The following CACNB2 variants were observed in gnomAD, a reference collection of about 807,000 sequenced individuals.
CACNB2 encodes the protein voltage-dependent L-type calcium channel subunit beta-2.
In CACNB2, 42 loss-of-function variants were observed where a neutral mutation model predicts 73.3. That is an observed-to-expected ratio of 0.57 (90% CI 0.45 to 0.74). The LOEUF is 0.74. CACNB2 is among the 30% of genes least tolerant of loss of function. The probability of loss-of-function intolerance (pLI) is 0.00; values close to 1 mark genes in which losing one functional copy is unlikely to be tolerated. For missense variants in CACNB2, 940 were observed against 853.0 expected, an observed-to-expected ratio of 1.10 and a Z score of -1.27; for synonymous variants, 348 against 310.3, an observed-to-expected ratio of 1.12 and a Z score of -1.28.
intron 3 of CACNB2, among the ~76,000 whole-genome samples, chr10:18,467,512 C>T (rs987107903): frequency 3.0e-4 from 46 of 152,168 alleles, no homozygotes; most frequent in Admixed American, 8.5e-4. Flanking sequence ...ACTAGACCTA[C>T]GTAAAAGATA....
In CACNB2 at chr10:18,400,899, C is replaced by T. The variant is rs546924326; in HGVS notation, c.214-1025C>T. On this transcript the variant is annotated intron_variant, in intron 2 of 13. Coordinates refer to ENST00000324631, the MANE Select transcript of CACNB2 (RefSeq NM_201596.3). ...GGGCAGGGAGTGAAAGCCCCGGAGG[C>T]AGAAAGGGACGGAGAACAGGGGCTT... The T allele has an allele frequency of 1.0e-4, 160 of 1,545,036 alleles. No individual in the cohort carries two copies. The East Asian group carries it at 3.7e-3, about 36-fold the overall frequency.
At chr10:18,515,010 G>A (rs1397760018) in intron 7 of CACNB2, 2 of 1,613,742 alleles carry the variant, frequency 1.2e-6, no homozygotes, top group African/African-American at 2.7e-5. Context: ...CAAGACCAGT[G>A]GAAAACTGCA....
At chr10:18,338,816 G>T (rs2041117411) in intron 2 of CACNB2, among the ~76,000 whole-genome samples, 1 of 134,420 alleles carries the variant, frequency 7.4e-6, no homozygotes, top group African/African-American at 2.9e-5. Flanking sequence ...ATAGCTCATT[G>T]CAGCCTCTAC....
rs1356604464 is a variant in CACNB2 at position 18,307,983 on chromosome 10, C to CAT, written c.214-93941_214-93940insAT. ...TTAAGTCTAAAATAATATATGCCAA[C>CAT]TTTTTTTTTTTTTTTTTTTTTTTTT... On this transcript the variant is annotated intron_variant, in intron 2 of 13. Transcript: ENST00000324631. Among the ~76,000 whole-genome samples the CAT allele has an allele frequency of 2.1e-4, 15 of 70,268 alleles. 1 individual carries two copies. Among genetic ancestry groups the CAT allele is most frequent in the African/African-American group, 6.0e-4 (10 of 16,746 alleles). The allele number at this position is 70,268 out of a possible 152,430, so 46.1% of individuals were successfully genotyped here. A position where few individuals can be genotyped will look rare whatever the true frequency, so the allele number is the denominator to read the frequency against.
At chr10:18,538,405 C>T (rs778985834) in intron 13 of CACNB2, 40 bp downstream of exon 13, 12 of 1,578,384 alleles carry the variant, frequency 7.6e-6, no homozygotes, top group Non-Finnish European at 1.0e-5. Context: ...ATACAATCTT[C>T]ATAGAAAAAA....
At chr10:18,178,905 C>A (rs1208565171) in intron 2 of CACNB2, among the ~76,000 whole-genome samples, 2 of 152,154 alleles carry the variant, frequency 1.3e-5, no homozygotes, top group Admixed American at 6.5e-5. Context: ...TGCTGCCAAA[C>A]CTTGTAGGGA....
intron 2 of CACNB2, among the ~76,000 whole-genome samples, chr10:18,220,110 A>AATATATATATATAT (rs1165921150): frequency 3.1e-5 from 1 of 32,758 alleles, no homozygotes; most frequent in Non-Finnish European, 5.1e-5. Flanking sequence ...TTTATTTTTT[A>AATATATATATATAT]ATATATATAT....
chr10:18,307,127 G>A (rs1252357011), intron 2 of CACNB2, among the ~76,000 whole-genome samples: 2 of 152,046 alleles, frequency 1.3e-5, no homozygotes, highest in Non-Finnish European at 2.9e-5. Flanking sequence ...GTGAAATCGT[G>A]TTTAAAAAAC....
chr10:18,449,728 G>C (rs2046925061), intron 3 of CACNB2, among the ~76,000 whole-genome samples: 1 of 152,224 alleles, frequency 6.6e-6, no homozygotes. Context: ...TCTGACTGTT[G>C]GCACGTGGGA....
At chr10:18,442,233 T>C (rs1399544294) in intron 3 of CACNB2, among the ~76,000 whole-genome samples, 3 of 151,990 alleles carry the variant, frequency 2.0e-5, no homozygotes, top group Admixed American at 2.0e-4. Flanking sequence ...CACTGCAACC[T>C]CCGCCTCCTG....
chr10:18,246,184 G>A (rs1045655829), intron 2 of CACNB2, among the ~76,000 whole-genome samples: 12 of 152,148 alleles, frequency 7.9e-5, no homozygotes, highest in African/African-American at 2.9e-4. Context: ...CTGGCTCTGA[G>A]AGCTTACGCC....
At chr10:18,161,381 A>T (rs907585866) in intron 2 of CACNB2, among the ~76,000 whole-genome samples, 1 of 152,038 alleles carries the variant, frequency 6.6e-6, no homozygotes, top group Non-Finnish European at 1.5e-5. Flanking sequence ...GATTGTTTAG[A>T]CTTCTGTCAA....
intron 2 of CACNB2, among the ~76,000 whole-genome samples, chr10:18,345,564 C>T (rs2041414356): frequency 6.6e-6 from 1 of 152,146 alleles, no homozygotes; most frequent in South Asian, 2.1e-4. Flanking sequence ...GGAGCTTCTT[C>T]CTTCTTTCTT....
intron 3 of CACNB2, among the ~76,000 whole-genome samples, chr10:18,489,066 C>A (rs1299922289): frequency 6.6e-6 from 1 of 152,020 alleles, no homozygotes; most frequent in Non-Finnish European, 1.5e-5. Flanking sequence ...ATAATCCCAG[C>A]ACTTTGGGAG....
chr10:18,276,079 T>A (rs2038275141), intron 2 of CACNB2, among the ~76,000 whole-genome samples: 1 of 152,228 alleles, frequency 6.6e-6, no homozygotes. Flanking sequence ...AAATAATAAC[T>A]AATCAATAAA....
intron 3 of CACNB2, among the ~76,000 whole-genome samples, chr10:18,494,341 A>G (rs1013629493): frequency 1.3e-5 from 2 of 152,130 alleles, no homozygotes; most frequent in African/African-American, 2.4e-5. Flanking sequence ...AATAAAAGAA[A>G]CATCTGGGCT....
rs1564480266 is a variant in CACNB2, at chr10:18,373,814, A to G, written c.214-28110A>G. On this transcript the variant is annotated intron_variant, in intron 2 of 13. Coordinates refer to ENST00000324631, the MANE Select transcript of CACNB2 (RefSeq NM_201596.3). ...TTTGGGGGAAGTATTTATCCAGTAG[A>G]TCTCTACTGAAGACATTGGTGCTTG... 2.6e-5 allele frequency among the ~76,000 whole-genome samples: 4 copies of G among 152,308 alleles called. No homozygotes were observed. The East Asian group carries it at 7.7e-4, about 29-fold the overall frequency.
At chr10:18,231,237 C>T (rs2036213676) in intron 2 of CACNB2, among the ~76,000 whole-genome samples, 1 of 152,112 alleles carries the variant, frequency 6.6e-6, no homozygotes, top group African/African-American at 2.4e-5. Context: ...AGTGCAGTGG[C>T]CCGATCTCGG....
In CACNB2 at chr10:18,216,311, A is replaced by G. The variant is rs758843912; in HGVS notation, c.213+65336A>G. Among the ~76,000 whole-genome samples the G allele has an allele frequency of 2.1e-4, 32 of 151,550 alleles. 1 individual carries two copies. Among genetic ancestry groups the G allele is most frequent in the Non-Finnish European group, 4.1e-4 (28 of 68,026 alleles). On this transcript the variant is annotated intron_variant, in intron 2 of 13. Coordinates refer to ENST00000324631, the MANE Select transcript of CACNB2 (RefSeq NM_201596.3). ...AAACTCCATCTCAAAAATAGCAATAATAAATAATAAAAAATAAACTAAGTC... is the reference window on the plus strand; with the variant it reads ...AAACTCCATCTCAAAAATAGCAATAGTAAATAATAAAAAATAAACTAAGTC...
Sources: allele counts gnomAD v4.1 joint callset (sites outside exome capture counted in the v4.1 genomes callset), GRCh38; gene constraint gnomAD v4.1.1; transcripts MANE v1.5; gene names NCBI Gene and HGNC (gene_info 2026-07-23, HGNC 2026-07-21).